The following ZDHHC2 variants were observed in gnomAD, a reference collection of about 807,000 sequenced individuals.
The protein encoded by ZDHHC2 is zDHHC palmitoyltransferase 2.
In ZDHHC2, 51 loss-of-function variants were observed where a neutral mutation model predicts 55.6. The observed-to-expected ratio is 0.92, with a 90% CI of 0.73 to 1.16. ZDHHC2 has a LOEUF of 1.16. Among genes scored for constraint, ZDHHC2 ranks in the 50% most tolerant of loss-of-function variants. ZDHHC2 has a pLI of 0.00. For synonymous variants in ZDHHC2, 199 were observed against 152.9 expected, an observed-to-expected ratio of 1.30 and a Z score of -2.22; for missense variants, 491 against 442.4, an observed-to-expected ratio of 1.11 and a Z score of -0.99.
intron 1 of ZDHHC2, among the ~76,000 whole-genome samples, chr8:17,180,407 C>T (rs1393017914): frequency 2.0e-5 from 3 of 152,068 alleles, no homozygotes; most frequent in Non-Finnish European, 4.4e-5. Context: ...TATTTTTCAC[C>T]TTTTATTTTC....
At chr8:17,175,546 T>G (rs1001244576) in intron 1 of ZDHHC2, among the ~76,000 whole-genome samples, 2 of 152,224 alleles carry the variant, frequency 1.3e-5, no homozygotes, top group African/African-American at 4.8e-5. Flanking sequence ...TGTCACAGTT[T>G]GGTGATGAAT....
chr8:17,218,149 A>C (rs1807733147), intron 12 of ZDHHC2, among the ~76,000 whole-genome samples: 2 of 152,206 alleles, frequency 1.3e-5, no homozygotes, highest in Non-Finnish European at 2.9e-5. Flanking sequence ...TTTTGGGAAG[A>C]GCAGGATCAG....
At chr8:17,168,826 A>G (rs1024910046) in intron 1 of ZDHHC2, among the ~76,000 whole-genome samples, 15 of 151,848 alleles carry the variant, frequency 9.9e-5, no homozygotes, top group African/African-American at 3.4e-4. Flanking sequence ...TCAGAATTTC[A>G]TTTTTTCAAA....
intron 10 of ZDHHC2, among the ~76,000 whole-genome samples, chr8:17,211,429 A>G (rs768607925): frequency 1.3e-5 from 2 of 152,008 alleles, no homozygotes; most frequent in African/African-American, 2.4e-5. Context: ...CATAAACCTC[A>G]AGGCAGTGTT....
intron 1 of ZDHHC2, among the ~76,000 whole-genome samples, chr8:17,170,475 G>C (rs964935710): frequency 1.3e-5 from 2 of 152,188 alleles, no homozygotes; most frequent in African/African-American, 4.8e-5. Flanking sequence ...GTACTCATAA[G>C]TGTCAAATAA....
intron 3 of ZDHHC2, among the ~76,000 whole-genome samples, chr8:17,187,368 A>T (rs1278429965): frequency 6.6e-6 from 1 of 152,132 alleles, no homozygotes; most frequent in African/African-American, 2.4e-5. Context: ...ATAAAAATAT[A>T]CTTTGCTAAC....
chr8:17,191,288 G>T (rs2150915852), intron 3 of ZDHHC2, among the ~76,000 whole-genome samples: 1 of 151,632 alleles, frequency 6.6e-6, no homozygotes, highest in East Asian at 1.9e-4. Context: ...ATAGAGATGG[G>T]GTTTCGCCAT....
chr8:17,191,634 A>G (rs956183803), intron 3 of ZDHHC2, among the ~76,000 whole-genome samples: 2 of 152,142 alleles, frequency 1.3e-5, no homozygotes, highest in Admixed American at 6.6e-5. Flanking sequence ...TGTTGTTGCA[A>G]ATGATGGGAT....
chr8:17,170,250 G>T (rs781066146), intron 1 of ZDHHC2, among the ~76,000 whole-genome samples: 10 of 152,218 alleles, frequency 6.6e-5, no homozygotes, highest in Non-Finnish European at 1.0e-4. Context: ...CAATACTGAA[G>T]GGTGAGCTAG....
intron 1 of ZDHHC2, among the ~76,000 whole-genome samples, chr8:17,171,328 A>G (rs1804843418): frequency 6.6e-6 from 1 of 152,192 alleles, no homozygotes; most frequent in African/African-American, 2.4e-5. Flanking sequence ...CAGGGATTAT[A>G]GGATTCCATT....
chr8:17,210,315 A>G (rs964000161), intron 9 of ZDHHC2, 73 bp from the exon 10 acceptor site: 4 of 1,452,760 alleles, frequency 2.8e-6, no homozygotes, highest in Non-Finnish European at 3.8e-6. Flanking sequence ...GCTCTCGGAC[A>G]TCAGCATTTT....
At chr8:17,189,142 T>A (rs1459442064) in intron 3 of ZDHHC2, among the ~76,000 whole-genome samples, 1 of 150,004 alleles carries the variant, frequency 6.7e-6, no homozygotes, top group Admixed American at 6.6e-5. Flanking sequence ...TTTTTTTTTT[T>A]TTTTGGCCTC....
At chr8:17,219,993 T>G (rs551804426) in intron 12 of ZDHHC2, among the ~76,000 whole-genome samples, 1 of 151,598 alleles carries the variant, frequency 6.6e-6, no homozygotes, top group Non-Finnish European at 1.5e-5. Context: ...AAATGCAGAA[T>G]CTTAGGCCTT....
chr8:17,201,670 T>C (rs1563163381), intron 6 of ZDHHC2, among the ~76,000 whole-genome samples: 1 of 150,144 alleles, frequency 6.7e-6, no homozygotes, highest in Non-Finnish European at 1.5e-5. Flanking sequence ...TTTTGGTTTT[T>C]TTTTTTTTTG....
chr8:17,205,931 A>G (rs1807081675), intron 7 of ZDHHC2, among the ~76,000 whole-genome samples, 156 bp downstream of exon 7: 1 of 152,200 alleles, frequency 6.6e-6, no homozygotes, highest in Non-Finnish European at 1.5e-5. Context: ...TTGTTAATTC[A>G]GTAAGATGTA....
intron 6 of ZDHHC2, among the ~76,000 whole-genome samples, chr8:17,200,961 A>G (rs1222067130): frequency 1.3e-5 from 2 of 152,208 alleles, no homozygotes; most frequent in African/African-American, 2.4e-5. Context: ...ACTCCCTTGC[A>G]GAAAGCAGCA....
At chr8:17,220,140 G>A (rs1375722924) in intron 12 of ZDHHC2, 116 bp from the exon 13 acceptor site, 1 of 152,146 alleles carries the variant, frequency 6.6e-6, no homozygotes, top group African/African-American at 2.4e-5. Context: ...GAGCCTGCTA[G>A]CATAGTAAAC....
rs771367573 is a variant in ZDHHC2, at chr8:17,156,862, G to GC, written c.130+15dup. 1.7e-5 allele frequency: 25 copies of GC among 1,488,596 alleles called. No individual in the cohort carries two copies. The highest frequency in any genetic ancestry group is 1.0e-4 in the African/African-American group (7 of 68,288). 92.2% of individuals were successfully genotyped at this position (1,488,596 alleles called of 1,614,324 possible). ...CATCCAGCTGTGCATAGGTGAGTGC[G>GC]CCCCCCGCCGCGGCGCCCCCAGCGC... On this transcript the variant is annotated intron_variant, in intron 1 of 12. Transcript: ENST00000262096.
In ZDHHC2 at chr8:17,176,605, G is replaced by C. The variant is rs532487410; in HGVS notation, c.131-8184G>C. 2.3e-3 allele frequency among the ~76,000 whole-genome samples: 351 copies of C among 152,254 alleles called. 3 individuals carry two copies. The highest frequency in any genetic ancestry group is 8.1e-3 in the African/African-American group (338 of 41,564). On this transcript the variant is annotated intron_variant, in intron 1 of 12. Transcript: ENST00000262096. ...GTGATCAAGATCACACATATTGGGA[G>C]GATTGGGCTGGAGTCCAGGTCTCCT...
Sources: gnomAD v4.1 joint callset for allele counts (sites outside exome capture counted in the v4.1 genomes callset) on GRCh38, gnomAD v4.1.1 for gene constraint, MANE v1.5 for transcripts, NCBI Gene and HGNC (gene_info 2026-07-23, HGNC 2026-07-21) for gene names.